Variants in NEK11 observed in about 807,000 individuals in gnomAD.
The protein encoded by NEK11 is serine/threonine-protein kinase Nek11.
A neutral mutation model predicts 80.7 loss-of-function variants in NEK11; 72 were observed. The ratio of observed to expected loss-of-function variants is 0.89; its 90% CI spans 0.74 to 1.08. The LOEUF is 1.08. Ranked by LOEUF, NEK11 falls within the 50% of genes least tolerant of loss-of-function variation. The pLI, the probability that NEK11 is intolerant of heterozygous loss-of-function variation, is 0.00. For missense variants in NEK11, 764 were observed against 763.6 expected (o/e 1.00, Z -0.01); for synonymous variants, 251 against 260.7 (o/e 0.96, Z 0.36).
chr3:131,079,127 T>G (rs2074846488), intron 3 of NEK11, among the ~76,000 whole-genome samples: 1 of 152,222 alleles, frequency 6.6e-6, no homozygotes, highest in Non-Finnish European at 1.5e-5. Flanking sequence ...ACGCTCACTC[T>G]TCATTTAAGT....
At chr3:131,230,608 T>A (rs1335927655) in intron 15 of NEK11, among the ~76,000 whole-genome samples, 1 of 152,192 alleles carries the variant, frequency 6.6e-6, no homozygotes, top group African/African-American at 2.4e-5. Flanking sequence ...TTTTCTAACT[T>A]GCTTTTAAGT....
At chr3:131,178,495 T>C (rs893697884) in intron 14 of NEK11, among the ~76,000 whole-genome samples, 7 of 152,226 alleles carry the variant, frequency 4.6e-5, no homozygotes, top group Admixed American at 6.5e-5. Context: ...TTTTAACTTT[T>C]GAATTCTTTG....
At chr3:131,100,224 G>C (rs1053299823) in intron 4 of NEK11, among the ~76,000 whole-genome samples, 1 of 152,020 alleles carries the variant, frequency 6.6e-6, no homozygotes, top group Admixed American at 6.6e-5. Flanking sequence ...TATGGTTTTC[G>C]CTTTTAATTT....
intron 14 of NEK11, among the ~76,000 whole-genome samples, chr3:131,178,805 A>G (rs1276723784): frequency 1.3e-5 from 2 of 152,206 alleles, no homozygotes; most frequent in African/African-American, 4.8e-5. Context: ...TATGACTGAC[A>G]GTGCAGTATG....
chr3:131,331,865 GC>G (rs1475831465), intron 17 of NEK11, among the ~76,000 whole-genome samples: 89 of 152,346 alleles, frequency 5.8e-4, no homozygotes, highest in African/African-American at 1.9e-3. Context: ...CTGATTGCTA[GC>G]ACAGCGGTCT....
intron 7 of NEK11, 81 bp from the exon 8 acceptor site, chr3:131,152,307 A>C (rs1204983449): frequency 1.6e-6 from 2 of 1,271,260 alleles, no homozygotes; most frequent in African/African-American, 3.0e-5. Context: ...CAATGCCCCA[A>C]CACATCTGAG....
At chr3:131,245,843 G>T (rs1054522039) in intron 16 of NEK11, among the ~76,000 whole-genome samples, 2 of 151,602 alleles carry the variant, frequency 1.3e-5, no homozygotes, top group South Asian at 4.2e-4. Flanking sequence ...TTTGTTTTTG[G>T]TGATGGTTGT....
Position 131,080,541 on chromosome 3 carries a change from A to C in NEK11, c.289A>C (p.Ser97Arg). 2.5e-6 allele frequency: 4 copies of C among 1,613,784 alleles called. No individual in the cohort carries two copies. Among genetic ancestry groups the C allele is most frequent in the Non-Finnish European group, 2.5e-6 (3 of 1,179,930 alleles). Reference sequence around the variant, plus strand: ...CCCAGCCATTGTCAAGTTCCATGCAAGTTTTGTGGAGCAAGATAATTTCTG... The same window carrying C: ...CCCAGCCATTGTCAAGTTCCATGCACGTTTTGTGGAGCAAGATAATTTCTG... ...DHPAIVKFHA[S>R]FVEQDNFCII... is the part of the protein sequence containing the mutation. Residue 97 changes from serine to arginine, a missense_variant, in exon 4 of 18, where the codon AGT becomes CGT. Coordinates refer to ENST00000383366, the MANE Select transcript of NEK11 (RefSeq NM_024800.5).
intron 17 of NEK11, among the ~76,000 whole-genome samples, chr3:131,331,949 C>A (rs1423712579): frequency 6.6e-6 from 1 of 152,222 alleles, no homozygotes; most frequent in Non-Finnish European, 1.5e-5. Context: ...CTTAGGTAAA[C>A]AAAGCAGCCG....
intron 14 of NEK11, among the ~76,000 whole-genome samples, chr3:131,224,178 T>G (rs1253274385): frequency 6.6e-6 from 1 of 152,130 alleles, no homozygotes; most frequent in Non-Finnish European, 1.5e-5. Flanking sequence ...AATGCATATA[T>G]TTATGTACAG....
intron 17 of NEK11, among the ~76,000 whole-genome samples, chr3:131,274,214 T>C (rs1256100599): frequency 6.7e-6 from 1 of 148,434 alleles, no homozygotes; most frequent in African/African-American, 2.5e-5. Context: ...CGGTGTTTGG[T>C]TTTTTGTTCT....
chr3:131,233,744 A>G (rs2095378779), intron 15 of NEK11, among the ~76,000 whole-genome samples: 1 of 152,194 alleles, frequency 6.6e-6, no homozygotes, highest in Non-Finnish European at 1.5e-5. Context: ...CCAGTATTTC[A>G]GATACATATT....
chr3:131,316,053 CTATT>C (rs1161656069), intron 17 of NEK11, among the ~76,000 whole-genome samples: 3 of 151,902 alleles, frequency 2.0e-5, no homozygotes, highest in Admixed American at 1.3e-4. Flanking sequence ...TCTCAAAAGG[CTATT>C]TGTTTTGTTT....
intron 10 of NEK11, among the ~76,000 whole-genome samples, chr3:131,161,406 A>G (rs530209274): frequency 6.6e-6 from 1 of 152,332 alleles, no homozygotes; most frequent in Non-Finnish European, 1.5e-5. Context: ...AGCATTGTTC[A>G]CAATAGCAAA....
Position 131,331,296 on chromosome 3 carries a change from A to T in NEK11, c.1719-18261A>T, listed in dbSNP as rs548107480. 3.9e-5 allele frequency among the ~76,000 whole-genome samples: 6 copies of T among 152,330 alleles called. No individual in the cohort carries two copies. In the South Asian group the frequency reaches 1.2e-3, roughly 32 times the overall value. The stretch of plus-strand genomic sequence containing the variant: ...AAGAGGCAGTTTTCAGGGTGGACTA[A>T]TTTTATACACAACCATTTATCAGTA... On this transcript the variant is annotated intron_variant, in intron 17 of 17. Transcript: ENST00000383366.
intron 17 of NEK11, among the ~76,000 whole-genome samples, chr3:131,346,769 G>A (rs1482083754): frequency 1.3e-5 from 2 of 152,088 alleles, no homozygotes; most frequent in East Asian, 1.9e-4. Flanking sequence ...TAAGTATGGT[G>A]GGAGGGCATT....
At chr3:131,181,154 TA>T in intron 14 of NEK11, among the ~76,000 whole-genome samples, 1 of 152,270 alleles carries the variant, frequency 6.6e-6, no homozygotes, top group Non-Finnish European at 1.5e-5. Context: ...ATAGGGAGAT[TA>T]TTCTGATTAT....
chr3:131,274,883 GA>G (rs557630580), intron 17 of NEK11, among the ~76,000 whole-genome samples: 1 of 151,710 alleles, frequency 6.6e-6, no homozygotes, highest in South Asian at 2.1e-4. Flanking sequence ...TCGATCTCCT[GA>G]CCTCGTGATC....
At chr3:131,119,228 C>G (rs1295114821) in intron 5 of NEK11, among the ~76,000 whole-genome samples, 1 of 152,162 alleles carries the variant, frequency 6.6e-6, no homozygotes, top group Non-Finnish European at 1.5e-5. Context: ...TTGTTATGTA[C>G]GCAGTAGTCA....
Sources: allele counts gnomAD v4.1 joint callset (sites outside exome capture counted in the v4.1 genomes callset), GRCh38; gene constraint gnomAD v4.1.1; transcripts MANE v1.5; gene names NCBI Gene and HGNC (gene_info 2026-07-23, HGNC 2026-07-21).